Variants in GABRA2 observed in about 807,000 individuals in gnomAD.
The protein encoded by GABRA2 is gamma-aminobutyric acid type A receptor subunit alpha2.
GABRA2 carries 16 observed loss-of-function variants against 48.7 expected under a neutral mutation model. The observed-to-expected ratio is 0.33, with a 90% CI of 0.22 to 0.50. GABRA2 has a LOEUF of 0.50. Among genes scored for constraint, GABRA2 ranks in the 20% least tolerant of loss-of-function variants. The pLI, the probability that GABRA2 is intolerant of heterozygous loss-of-function variation, is 0.98. For synonymous variants in GABRA2, 185 were observed against 184.5 expected, an observed-to-expected ratio of 1.00 and a Z score of -0.02; for missense variants, 275 against 535.6, an observed-to-expected ratio of 0.51 and a Z score of 4.80.
intron 3 of GABRA2, 124 bp downstream of exon 3, chr4:46,385,950 A>G (rs752281984): frequency 6.6e-5 from 41 of 618,292 alleles, no homozygotes; most frequent in Non-Finnish European, 1.1e-4. Context: ...CTTACTTTCT[A>G]TTTTCTATAA....
chr4:46,259,388 T>A (rs1405137286), intron 9 of GABRA2, among the ~76,000 whole-genome samples: 2 of 151,872 alleles, frequency 1.3e-5, no homozygotes, highest in Non-Finnish European at 2.9e-5. Flanking sequence ...AAAAGTAGTG[T>A]AAAATCCTGC....
At chr4:46,332,478 C>T in intron 4 of GABRA2, 137 bp downstream of exon 4, 1 of 560,754 alleles carries the variant, frequency 1.8e-6, no homozygotes, top group South Asian at 2.5e-5. Context: ...ACATCTTTAA[C>T]TATCCATGTA....
rs1713614317 is a variant in GABRA2 at position 46,245,828 on chromosome 4, G to A, written c.*4480C>T. The stretch of plus-strand genomic sequence containing the variant: ...TGTTCTTTACTATTGGCAATATTAG[G>A]TAATGTTATGTATTAAATACATCAT... On this transcript the variant is annotated 3_prime_UTR_variant, in exon 10 of 10. Transcript: ENST00000381620. Among the ~76,000 whole-genome samples, 1 of 151,032 alleles carries A rather than the reference G, an allele frequency of 6.6e-6. No homozygotes were observed. The highest frequency in any genetic ancestry group is 2.4e-5 in the African/African-American group (1 of 41,286).
chr4:46,250,388 G>GA lies in GABRA2; in HGVS notation c.1275dup (p.Pro426SerfsTer8). ...AAATTAAAGGTACCAAACAAAACTG[G>GA]AAAAACTATTCTGGACATTCTGTCA... On this transcript the variant is annotated frameshift_variant, in exon 10 of 10. Transcript: ENST00000381620. LOFTEE classifies it high-confidence loss of function. 1 of 1,611,556 alleles carries GA rather than the reference G, an allele frequency of 6.2e-7. No individual in the cohort carries two copies. Among genetic ancestry groups the GA allele is most frequent in the Non-Finnish European group, 8.5e-7 (1 of 1,178,430 alleles).
At position 46,325,952 on chromosome 4, in the gene GABRA2, C is replaced by G. The variant is rs575361683; in HGVS notation, c.255+6663G>C. Among the ~76,000 whole-genome samples the G allele has an allele frequency of 3.9e-5, 6 of 151,942 alleles. No homozygotes were observed. In the East Asian group the frequency reaches 1.2e-3, roughly 30 times the overall value. On this transcript the variant is annotated intron_variant, in intron 4 of 9. Transcript: ENST00000381620. ...AATCTATATGTTTTTGTACCAGTAC[C>G]ATGTTGTTTTGGTTACTGCAGCCTT...
At position 46,274,658 on chromosome 4, in the gene GABRA2, G is replaced by C. The variant is rs372296003; in HGVS notation, c.857-12530C>G. Among the ~76,000 whole-genome samples the C allele has an allele frequency of 1.5e-4, 23 of 152,112 alleles. No homozygotes were observed. The South Asian group carries it at 1.7e-3, about 11-fold the overall frequency. On this transcript the variant is annotated intron_variant, in intron 8 of 9. Transcript: ENST00000381620. ...TTGGAAGGAAAACCTATAAGCATAC[G>C]TGCCTTAAATACAGAGTTGCCCACA...
chr4:46,388,929 TC>T, intron 1 of GABRA2: 3 of 1,337,986 alleles, frequency 2.2e-6, no homozygotes, highest in Non-Finnish European at 1.9e-6. Context: ...TTTCTTTCTT[TC>T]TTTTTTTCTT....
rs1381214208 is a variant in GABRA2 at position 46,246,859 on chromosome 4, T to C, written c.*3449A>G. On this transcript the variant is annotated 3_prime_UTR_variant, in exon 10 of 10. Coordinates refer to ENST00000381620, the MANE Select transcript of GABRA2 (RefSeq NM_000807.4). ...GAACCATGATAATGCAGAAGGTGACTTGAGCTACTTCCTTTCTTCTTTCAT... is the reference window on the plus strand; with the variant it reads ...GAACCATGATAATGCAGAAGGTGACCTGAGCTACTTCCTTTCTTCTTTCAT... Among the ~76,000 whole-genome samples the C allele has an allele frequency of 6.6e-5, 10 of 151,296 alleles. No individual in the cohort carries two copies. The highest frequency in any genetic ancestry group is 1.3e-4 in the Admixed American group (2 of 15,130).
intron 4 of GABRA2, among the ~76,000 whole-genome samples, chr4:46,316,562 T>A (rs1244229545): frequency 6.6e-6 from 1 of 151,996 alleles, no homozygotes. Flanking sequence ...AAGATATTTT[T>A]AAATTGAAAT....
At chr4:46,382,553 C>T (rs1716902798) in intron 3 of GABRA2, among the ~76,000 whole-genome samples, 1 of 152,114 alleles carries the variant, frequency 6.6e-6, no homozygotes, top group South Asian at 2.1e-4. Context: ...ATGACTAGGA[C>T]ACCATTGCAA....
intron 3 of GABRA2, among the ~76,000 whole-genome samples, chr4:46,379,938 C>A (rs1716531069): frequency 6.6e-6 from 1 of 152,116 alleles, no homozygotes; most frequent in South Asian, 2.1e-4. Context: ...AGATCTCAAA[C>A]CACTCTCAGC....
intron 3 of GABRA2, among the ~76,000 whole-genome samples, chr4:46,373,247 A>G (rs1481232714): frequency 6.6e-6 from 1 of 152,200 alleles, no homozygotes; most frequent in Non-Finnish European, 1.5e-5. Flanking sequence ...CATCACCCCT[A>G]TATTTCACAG....
chr4:46,252,301 T>C (rs912906612), intron 9 of GABRA2, among the ~76,000 whole-genome samples: 1 of 151,540 alleles, frequency 6.6e-6, no homozygotes, highest in Non-Finnish European at 1.5e-5. Context: ...TCTTCTTCAG[T>C]AATGATGCAT....
chr4:46,265,449 TATATATATA>T (rs1166768795), intron 8 of GABRA2, among the ~76,000 whole-genome samples: 1 of 136,132 alleles, frequency 7.3e-6, no homozygotes, highest in Non-Finnish European at 1.5e-5. Flanking sequence ...ATATATTGTG[TATATATATA>T]ATATATATAT....
intron 8 of GABRA2, among the ~76,000 whole-genome samples, chr4:46,271,734 G>T (rs1423518562): frequency 6.6e-6 from 1 of 151,968 alleles, no homozygotes; most frequent in South Asian, 2.1e-4. Context: ...AATCAAAATT[G>T]TTCTATTTAC....
At chr4:46,325,397 C>A (rs753898051) in intron 4 of GABRA2, among the ~76,000 whole-genome samples, 11 of 151,810 alleles carry the variant, frequency 7.2e-5, no homozygotes, top group Non-Finnish European at 1.5e-4. Flanking sequence ...AAGAAATGTC[C>A]TTTCATGTCC....
At chr4:46,296,656 G>GAAAAA (rs981486686) in intron 8 of GABRA2, among the ~76,000 whole-genome samples, 38 of 136,592 alleles carry the variant, frequency 2.8e-4, no homozygotes, top group Non-Finnish European at 5.1e-4. Context: ...CTATCAGGGG[G>GAAAAA]AAAAAAAAAA....
At chr4:46,304,860 G>C (rs778293828) in intron 7 of GABRA2, among the ~76,000 whole-genome samples, 1 of 147,220 alleles carries the variant, frequency 6.8e-6, no homozygotes, top group Admixed American at 7.0e-5. Context: ...AGGAAGTGGA[G>C]GTTGCAGTGA....
chr4:46,278,664 T>C (rs1447141526), intron 8 of GABRA2, among the ~76,000 whole-genome samples: 1 of 152,148 alleles, frequency 6.6e-6, no homozygotes, highest in African/African-American at 2.4e-5. Flanking sequence ...ACATACAATA[T>C]ATAGCTGTGT....
Sources: allele counts gnomAD v4.1 joint callset (sites outside exome capture counted in the v4.1 genomes callset), GRCh38; gene constraint gnomAD v4.1.1; transcripts MANE v1.5; gene names NCBI Gene and HGNC (gene_info 2026-07-23, HGNC 2026-07-21).